The following AP4S1 variants were observed in gnomAD, a reference collection of about 807,000 sequenced individuals.
The protein encoded by AP4S1 is adaptor related protein complex 4 subunit sigma 1.
Under a neutral mutation model 19.8 loss-of-function variants are expected in AP4S1, and 23 were observed. The ratio of observed to expected loss-of-function variants is 1.16; its 90% CI spans 0.84 to 1.65. The LOEUF (loss-of-function observed/expected upper bound fraction) is 1.65, where lower values mean the gene tolerates loss of function less well. Among genes scored for constraint, AP4S1 ranks in the 40% most tolerant of loss-of-function variants. The pLI is 0.00. For synonymous variants in AP4S1, 46 were observed against 54.1 expected, an observed-to-expected ratio of 0.85 and a Z score of 0.66; for missense variants, 166 against 172.8, an observed-to-expected ratio of 0.96 and a Z score of 0.22.
chr14:31,063,574 T>C (rs1310136832), intron 1 of AP4S1, among the ~76,000 whole-genome samples: 1 of 152,160 alleles, frequency 6.6e-6, no homozygotes, highest in Non-Finnish European at 1.5e-5. Context: ...GAGCCATGAT[T>C]GTACCACTGT....
chr14:31,047,923 C>T (rs1241003010), intron 1 of AP4S1, among the ~76,000 whole-genome samples: 2 of 152,136 alleles, frequency 1.3e-5, no homozygotes, highest in African/African-American at 4.8e-5. Context: ...GTGATTCGCT[C>T]ACCTCGGCCT....
At chr14:31,088,475 C>T (rs1887981226) in intron 5 of AP4S1, among the ~76,000 whole-genome samples, 1 of 151,998 alleles carries the variant, frequency 6.6e-6, no homozygotes, top group Non-Finnish European at 1.5e-5. Context: ...TCCTGTTGTT[C>T]TCAGAATATG....
intron 1 of AP4S1, among the ~76,000 whole-genome samples, chr14:31,063,656 A>G (rs2139558383): frequency 6.6e-6 from 1 of 152,304 alleles, no homozygotes; most frequent in Non-Finnish European, 1.5e-5. Flanking sequence ...AAACTGTCCC[A>G]GACCAGAACA....
chr14:31,066,442 C>A, intron 2 of AP4S1, 108 bp downstream of exon 2: 1 of 1,398,544 alleles, frequency 7.2e-7, no homozygotes, highest in Non-Finnish European at 1.0e-6. Flanking sequence ...ATTCCTTCAA[C>A]AGCTACTAAA....
intron 1 of AP4S1, 31 bp from the exon 2 acceptor site, chr14:31,066,095 C>A: frequency 2.7e-6 from 3 of 1,119,650 alleles, no homozygotes; most frequent in Non-Finnish European, 2.6e-6. Context: ...TTGATCTTGC[C>A]TTTCTGGTTT....
chr14:31,075,086 C>T (rs150950871), intron 4 of AP4S1, among the ~76,000 whole-genome samples: 1 of 152,144 alleles, frequency 6.6e-6, no homozygotes, highest in African/African-American at 2.4e-5. Flanking sequence ...TTATTATTAA[C>T]CATAGTCACC....
intron 1 of AP4S1, among the ~76,000 whole-genome samples, chr14:31,039,464 C>T (rs557937154): frequency 1.0e-3 from 157 of 152,172 alleles, no homozygotes; most frequent in African/African-American, 2.2e-3. Flanking sequence ...AGATCACAGG[C>T]GTGAGCCACT....
At chr14:31,085,824 C>T (rs1887898976) in intron 5 of AP4S1, 11 of 984,188 alleles carry the variant, frequency 1.1e-5, no homozygotes, top group African/African-American at 7.0e-5. Context: ...ATTTTATAAA[C>T]TCAAAATCTC....
At chr14:31,059,943 A>T (rs183185729) in intron 1 of AP4S1, among the ~76,000 whole-genome samples, 1,476 of 146,702 alleles carry the variant, frequency 0.01, 18 homozygotes, top group African/African-American at 0.035. Context: ...ATATATATAT[A>T]TATTTATTTA....
intron 2 of AP4S1, among the ~76,000 whole-genome samples, chr14:31,067,363 G>T (rs1246206136): frequency 6.6e-6 from 1 of 151,468 alleles, no homozygotes; most frequent in African/African-American, 2.4e-5. Flanking sequence ...ATGTTGGTGT[G>T]CTGTACCCGT....
At chr14:31,034,969 C>T (rs1884639723) in intron 1 of AP4S1, among the ~76,000 whole-genome samples, 1 of 151,950 alleles carries the variant, frequency 6.6e-6, no homozygotes, top group African/African-American at 2.4e-5. Flanking sequence ...TATGGAAAAA[C>T]AACAACAAAA....
intron 1 of AP4S1, among the ~76,000 whole-genome samples, chr14:31,044,228 A>G (rs1566516856): frequency 1.3e-5 from 2 of 152,238 alleles, no homozygotes; most frequent in Non-Finnish European, 2.9e-5. Context: ...GCACTTTACT[A>G]TAACCCTTCC....
At chr14:31,074,580 G>A (rs1887252869) in intron 4 of AP4S1, among the ~76,000 whole-genome samples, 1 of 151,194 alleles carries the variant, frequency 6.6e-6, no homozygotes, top group Admixed American at 6.6e-5. Flanking sequence ...TACTCAGGAG[G>A]CTGAATGGCG....
chr14:31,056,682 GA>G (rs1421774176), intron 1 of AP4S1, among the ~76,000 whole-genome samples: 2 of 152,186 alleles, frequency 1.3e-5, no homozygotes, highest in Non-Finnish European at 2.9e-5. Flanking sequence ...TTCATGCAGT[GA>G]TTCGTTTGGC....
intron 5 of AP4S1, among the ~76,000 whole-genome samples, chr14:31,084,520 G>A (rs1196445545): frequency 6.6e-6 from 1 of 152,216 alleles, no homozygotes; most frequent in African/African-American, 2.4e-5. Context: ...TCCATTTAGT[G>A]GAAACCTCTG....
chr14:31,027,471 G>C (rs1282345791), intron 1 of AP4S1, among the ~76,000 whole-genome samples: 1 of 152,116 alleles, frequency 6.6e-6, no homozygotes, highest in East Asian at 1.9e-4. Context: ...AGACCAGCTT[G>C]GCCAACATTG....
At chr14:31,057,608 GTTTATTTTATT>G (rs1886191229) in intron 1 of AP4S1, among the ~76,000 whole-genome samples, 1 of 151,928 alleles carries the variant, frequency 6.6e-6, no homozygotes, top group South Asian at 2.1e-4. Flanking sequence ...TGTTGTTTTG[GTTTATTTTATT>G]TTTATTTTAT....
intron 3 of AP4S1, among the ~76,000 whole-genome samples, chr14:31,071,345 G>A (rs1413641157): frequency 1.3e-5 from 2 of 152,122 alleles, no homozygotes; most frequent in Non-Finnish European, 2.9e-5. Context: ...GTAAAGTCAG[G>A]AAATAGATCT....
chr14:31,026,107 T>TC (rs1375588135), intron 1 of AP4S1: 2 of 1,510,830 alleles, frequency 1.3e-6, no homozygotes, highest in Non-Finnish European at 1.8e-6. Flanking sequence ...AGGCCCAGGT[T>TC]CCCCCCAGGT....
Sources: gnomAD v4.1 joint callset for allele counts (sites outside exome capture counted in the v4.1 genomes callset) on GRCh38, gnomAD v4.1.1 for gene constraint, MANE v1.5 for transcripts, NCBI Gene and HGNC (gene_info 2026-07-23, HGNC 2026-07-21) for gene names.